NIBAN3: variants seen among roughly 807,000 people sequenced by gnomAD.
NIBAN3 encodes niban apoptosis regulator 3.
A neutral mutation model predicts 76.4 loss-of-function variants in NIBAN3; 66 were observed. The ratio of observed to expected loss-of-function variants is 0.86; its 90% CI spans 0.71 to 1.06. The LOEUF (loss-of-function observed/expected upper bound fraction) is 1.06. NIBAN3 is among the 50% of genes least tolerant of loss of function. The pLI, the probability that NIBAN3 is intolerant of heterozygous loss-of-function variation, is 0.00. For missense variants in NIBAN3, 808 were observed against 810.7 expected (o/e 1.00, Z 0.04); for synonymous variants, 360 against 355.2 (o/e 1.01, Z -0.15).
chr19:17,540,447 G>GC lies in NIBAN3; in HGVS notation c.1039dup (p.Arg347ProfsTer64). ...TGCGCCGGGAGGTGGACCCGCAGCT[G>GC]CCCCGGGTCGTGCAGACCCTGCTGC... is the stretch of plus-strand genomic sequence containing the variant. On this transcript the variant is annotated frameshift_variant, in exon 9 of 15. Coordinates refer to ENST00000599164, the MANE Select transcript of NIBAN3 (RefSeq NM_001321827.2). LOFTEE classifies it high-confidence loss of function. 4 of 1,568,008 alleles carry GC rather than the reference G, an allele frequency of 2.6e-6. No individual in the cohort carries two copies. The highest frequency in any genetic ancestry group is 3.5e-6 in the Non-Finnish European group (4 of 1,156,760).
chr19:17,532,305 C>T lies in NIBAN3; in HGVS notation c.229C>T (p.Leu77Phe). ...VREHRGPLTQ[L>F]RGHPPRWQPI... Reference sequence around the variant, plus strand: ...TGAGCACCGAGGACCCCTGACCCAGCTTCGGGGCCACCCACCCCGGTGGCA... The same window carrying T: ...TGAGCACCGAGGACCCCTGACCCAGTTTCGGGGCCACCCACCCCGGTGGCA... The change falls in exon 3 of 15, where the codon CTT becomes TTT. Residue 77 changes from leucine (L) to phenylalanine (F), a missense_variant. Transcript: ENST00000599164. 1.2e-6 allele frequency: 2 copies of T among 1,614,026 alleles called. No individual in the cohort carries two copies. Among genetic ancestry groups the T allele is most frequent in the Non-Finnish European group, 1.7e-6 (2 of 1,179,956 alleles).
At chr19:17,551,236 C>T (rs956833058) in intron 14 of NIBAN3, among the ~76,000 whole-genome samples, 3 of 151,778 alleles carry the variant, frequency 2.0e-5, no homozygotes, top group Non-Finnish European at 4.4e-5. Flanking sequence ...GCTGGGATTA[C>T]AGGCGTCCAC....
At chr19:17,547,344 CTA>C (rs1254976873) in intron 13 of NIBAN3, among the ~76,000 whole-genome samples, 1 of 94,150 alleles carries the variant, frequency 1.1e-5, no homozygotes, top group Admixed American at 1.4e-4. Context: ...CAGAACGAGA[CTA>C]TGTCTTTTTT....
Position 17,551,902 on chromosome 19 carries a change from T to A in NIBAN3, c.*4T>A, listed in dbSNP as rs201151463. 5 of 776,770 alleles carry A rather than the reference T, an allele frequency of 6.4e-6. No homozygotes were observed. The allele number at this position is 776,770 out of a possible 1,614,324, so 48.1% of individuals were successfully genotyped here. ...TCCAGGAACATTCCGGAGCTGAATC[T>A]TCACCCACATCTATCTTGTTTCTAT... is the stretch of plus-strand genomic sequence containing the variant. On this transcript the variant is annotated 3_prime_UTR_variant, in exon 15 of 15. Coordinates refer to ENST00000599164, the MANE Select transcript of NIBAN3 (RefSeq NM_001321827.2).
intron 5 of NIBAN3, among the ~76,000 whole-genome samples, chr19:17,538,896 A>G (rs893600140): frequency 1.3e-5 from 2 of 152,216 alleles, no homozygotes; most frequent in Non-Finnish European, 2.9e-5. Flanking sequence ...AGGAACAGCT[A>G]GTGGCTGCAG....
intron 14 of NIBAN3, among the ~76,000 whole-genome samples, chr19:17,551,411 T>A (rs1460277402): frequency 1.3e-5 from 2 of 151,852 alleles, no homozygotes; most frequent in Admixed American, 1.3e-4. Flanking sequence ...TCTTTTTTTT[T>A]ATTTTTATTT....
At position 17,546,774 on chromosome 19, in the gene NIBAN3, G is replaced by A. The variant is rs890596707; in HGVS notation, c.1643G>A (p.Cys548Tyr). The change falls in exon 13 of 15, where the codon TGC (cysteine) becomes TAC (tyrosine). Residue 548 changes from cysteine (C) to tyrosine (Y), a missense_variant. By Grantham distance (194) the Cys-to-Tyr change is radical. Transcript: ENST00000599164. ...ATCTATGAGGACGTCATCCGGGGGTGCTTGCTGCAGAGGATTGACCAAGGT... is the reference window on the plus strand; with the variant it reads ...ATCTATGAGGACGTCATCCGGGGGTACTTGCTGCAGAGGATTGACCAAGGT... Reference protein sequence around the residue: ...EGIYEDVIRGCLLQRIDQELK... With the variant: ...EGIYEDVIRGYLLQRIDQELK... 1 of 1,601,572 alleles carries A rather than the reference G, an allele frequency of 6.2e-7. No homozygotes were observed. The highest frequency in any genetic ancestry group is 1.1e-5 in the South Asian group (1 of 88,502).
At chr19:17,541,437 C>G (rs978608899) in intron 9 of NIBAN3, among the ~76,000 whole-genome samples, 5 of 152,040 alleles carry the variant, frequency 3.3e-5, no homozygotes, top group Admixed American at 2.6e-4. Flanking sequence ...GATTTCTATA[C>G]TCTGTCTCCC....
In NIBAN3 at chr19:17,539,411, T is replaced by A; in HGVS notation, c.776T>A (p.Leu259Gln). 1 of 1,524,856 alleles carries A rather than the reference T, an allele frequency of 6.6e-7. No individual in the cohort carries two copies. Among genetic ancestry groups the A allele is most frequent in the South Asian group, 1.2e-5 (1 of 82,000 alleles). 94.5% of individuals were successfully genotyped at this position (1,524,856 alleles called of 1,614,324 possible). A position where few individuals can be genotyped will look rare whatever the true frequency, so the allele number is the denominator to read the frequency against. The change falls in exon 7 of 15, where the codon CTG (leucine) becomes CAG (glutamine). Residue 259 changes from leucine to glutamine, a missense_variant. Transcript: ENST00000599164. Reference sequence around the variant, plus strand: ...CTGCGAGCCCAGACCCTTCCTGGCCTGCGGGGGGCAGGCCGCGCCCGCGCC... The same window carrying A: ...CTGCGAGCCCAGACCCTTCCTGGCCAGCGGGGGGCAGGCCGCGCCCGCGCC... ...PALRAQTLPG[L>Q]RGAGRARAWA...
At position 17,539,453 on chromosome 19, in the gene NIBAN3, T is replaced by TA; in HGVS notation, c.816+3dup. 1.4e-6 allele frequency: 2 copies of TA among 1,469,170 alleles called. No individual in the cohort carries two copies. Among genetic ancestry groups the TA allele is most frequent in the Non-Finnish European group, 1.8e-6 (2 of 1,112,244 alleles). 91.0% of individuals were successfully genotyped at this position (1,469,170 alleles called of 1,614,324 possible). ...GCCCGCGCCTGGGCCTGGACCGAGG[T>TA]ATGCACGGCGTCCGGATCCGGGATA... is the stretch of plus-strand genomic sequence containing the variant. On this transcript the variant is annotated splice_region_variant and intron_variant, in intron 7 of 14. Coordinates refer to ENST00000599164, the MANE Select transcript of NIBAN3 (RefSeq NM_001321827.2).
In NIBAN3 at chr19:17,533,620, A is replaced by G. The variant is rs761578885; in HGVS notation, c.346A>G (p.Thr116Ala). 2 of 1,614,024 alleles carry G rather than the reference A, an allele frequency of 1.2e-6. No homozygotes were observed. Among genetic ancestry groups the G allele is most frequent in the African/African-American group, 2.7e-5 (2 of 74,922 alleles). ...YENGGHCLGS[T>A]ALTGYTLLTS... ...AAACGGGGGCCACTGCCTTGGCTCA[A>G]CAGCCCTGACAGGATACACGCTCCT... The change falls in exon 4 of 15, where the codon ACA (threonine) becomes GCA (alanine). Residue 116 changes from threonine (T) to alanine (A), a missense_variant. Physicochemically the swap from Thr to Ala is moderately conservative, Grantham distance 58. Transcript: ENST00000599164.
At position 17,551,845 on chromosome 19, in the gene NIBAN3, G is replaced by T. The variant is rs1487970005; in HGVS notation, c.1810G>T (p.Ala604Ser). 1 of 780,302 alleles carries T rather than the reference G, an allele frequency of 1.3e-6. No homozygotes were observed. Among genetic ancestry groups the T allele is most frequent in the Non-Finnish European group, 2.4e-6 (1 of 417,596 alleles). The allele number at this position is 780,302 out of a possible 1,614,324, so 48.3% of individuals were successfully genotyped here. Residue 604 changes from alanine (A) to serine (S), a missense_variant, in exon 15 of 15, where the codon GCC becomes TCC. Transcript: ENST00000599164. ...GACPRQPDSGAQIQPLCPPPS... is the reference protein window; with the variant it reads ...GACPRQPDSGSQIQPLCPPPS... Reference sequence around the variant, plus strand: ...TTGTCCCAGGCAGCCAGACTCTGGTGCCCAGATCCAGCCACTCTGCCCACC... The same window carrying T: ...TTGTCCCAGGCAGCCAGACTCTGGTTCCCAGATCCAGCCACTCTGCCCACC...
upstream of NIBAN3, among the ~76,000 whole-genome samples, chr19:17,526,036 AGAGT>A (rs2075602914): frequency 1.3e-5 from 2 of 151,936 alleles, no homozygotes; most frequent in African/African-American, 4.8e-5. Flanking sequence ...CCTGGGCAAC[AGAGT>A]GAGACACCGT....
At chr19:17,539,062 A>G in intron 5 of NIBAN3, 88 bp from the exon 6 acceptor site, 7 of 1,145,526 alleles carry the variant, frequency 6.1e-6, no homozygotes, top group Non-Finnish European at 8.6e-6. Flanking sequence ...GGTGTTGGGG[A>G]CCTGGCCAGG....
upstream of NIBAN3, among the ~76,000 whole-genome samples, chr19:17,526,238 G>A (rs1458364126): frequency 2.7e-5 from 4 of 150,810 alleles, no homozygotes; most frequent in Admixed American, 6.6e-5. Context: ...ACTTGAACCC[G>A]GGAGGTGGAG....
chr19:17,546,373 G>A (rs530298330), intron 12 of NIBAN3: 2 of 202,936 alleles, frequency 9.9e-6, no homozygotes, highest in East Asian at 1.7e-4. Context: ...CCGCCACCAC[G>A]CCCAGCTAAT....
Position 17,540,574 on chromosome 19 carries a change from C to G in NIBAN3, c.1162C>G (p.Arg388Gly). The change falls in exon 9 of 15, where the codon CGC (arginine) becomes GGC (glycine). Residue 388 changes from arginine to glycine, a missense_variant. Physicochemically the swap from Arg to Gly is moderately radical, Grantham distance 125. Coordinates refer to ENST00000599164, the MANE Select transcript of NIBAN3 (RefSeq NM_001321827.2). ...LRQSPSGTRL[R>G]REVYSFGEMP... ...CCAGAGCCCCTCAGGCACGCGGCTG[C>G]GCAGGGAGGTGAGCTCCCGTGGGTA... 3 of 1,509,528 alleles carry G rather than the reference C, an allele frequency of 2.0e-6. No individual in the cohort carries two copies. Among genetic ancestry groups the G allele is most frequent in the Non-Finnish European group, 2.7e-6 (3 of 1,125,700 alleles). 93.5% of individuals were successfully genotyped at this position (1,509,528 alleles called of 1,614,324 possible).
upstream of NIBAN3, among the ~76,000 whole-genome samples, chr19:17,523,923 C>G (rs916726646): frequency 6.6e-6 from 1 of 152,170 alleles, no homozygotes; most frequent in Non-Finnish European, 1.5e-5. Context: ...CGGTCTTGCT[C>G]TGTCGTCCAG....
chr19:17,535,377 T>C (rs1308621244), intron 4 of NIBAN3, among the ~76,000 whole-genome samples: 1 of 152,108 alleles, frequency 6.6e-6, no homozygotes, highest in African/African-American at 2.4e-5. Context: ...GCCCAGGAGT[T>C]AGGGGCTGCT....
Sources: allele counts gnomAD v4.1 joint callset (sites outside exome capture counted in the v4.1 genomes callset), GRCh38; gene constraint gnomAD v4.1.1; transcripts MANE v1.5; gene names NCBI Gene and HGNC (gene_info 2026-07-23, HGNC 2026-07-21).